The following DNAH9 variants were observed in gnomAD, a reference collection of about 807,000 sequenced individuals.
DNAH9 encodes the protein dynein axonemal heavy chain 9.
In DNAH9, 345 loss-of-function variants were observed where a neutral mutation model predicts 471.6. The observed-to-expected ratio is 0.73, with a 90% confidence interval of 0.67 to 0.80. The LOEUF (loss-of-function observed/expected upper bound fraction) is 0.80, where lower values mean the gene tolerates loss of function less well. Among genes scored for constraint, DNAH9 ranks in the 30% least tolerant of loss-of-function variants. The pLI is 0.00. For missense variants in DNAH9, 5,407 were observed against 5,609.2 expected, an observed-to-expected ratio of 0.96 and a Z score of 1.15; for synonymous variants, 2,093 against 2,123.6, an observed-to-expected ratio of 0.99 and a Z score of 0.40.
intron 28 of DNAH9, 34 bp downstream of exon 28, chr17:11,727,956 C>A: frequency 1.5e-6 from 2 of 1,356,754 alleles, no homozygotes; most frequent in South Asian, 1.2e-5. Context: ...GCCTTGTGGT[C>A]TTCATATTGA....
chr17:11,699,204 G>T (rs2074548746), intron 22 of DNAH9, among the ~76,000 whole-genome samples: 1 of 152,044 alleles, frequency 6.6e-6, no homozygotes, highest in South Asian at 2.1e-4. Flanking sequence ...AGCCAAGATT[G>T]CGCCACTGCA....
At chr17:11,751,363 A>G (rs186921842) in intron 32 of DNAH9, among the ~76,000 whole-genome samples, 2 of 152,166 alleles carry the variant, frequency 1.3e-5, no homozygotes, top group East Asian at 3.9e-4. Context: ...TCTAAATAAA[A>G]TATCAGTAAG....
At chr17:11,739,499 C>CT (rs1259601309) in intron 29 of DNAH9, among the ~76,000 whole-genome samples, 4 of 151,990 alleles carry the variant, frequency 2.6e-5, no homozygotes, top group African/African-American at 9.7e-5. Context: ...GCATATAAAT[C>CT]TTTTTTTTCC....
Position 11,647,894 on chromosome 17 carries a change from T to C in DNAH9, c.2097+696T>C, listed in dbSNP as rs373437911. 1.1e-4 allele frequency among the ~76,000 whole-genome samples: 16 copies of C among 152,310 alleles called. No homozygotes were observed. In the East Asian group the frequency reaches 1.2e-3, roughly 11 times the overall value. On this transcript the variant is annotated intron_variant, in intron 12 of 68. Transcript: ENST00000262442. ...ACTAGGCGGGAGTGCCAATGGCATT[T>C]AGTGGATAGATAGCAGGGATACTGC... is the stretch of plus-strand genomic sequence containing the variant.
chr17:11,922,913 A>T (rs1436343089), intron 61 of DNAH9, among the ~76,000 whole-genome samples: 1 of 152,184 alleles, frequency 6.6e-6, no homozygotes, highest in South Asian at 2.1e-4. Context: ...CCCTTCTCTC[A>T]TCAGCACTCC....
intron 41 of DNAH9, among the ~76,000 whole-genome samples, chr17:11,788,234 A>T (rs1050290356): frequency 6.6e-6 from 1 of 152,180 alleles, no homozygotes; most frequent in Non-Finnish European, 1.5e-5. Context: ...TGTCCTCTGA[A>T]TTTCATATAT....
chr17:11,888,927 G>A lies in DNAH9; in HGVS notation c.11112+1962G>A, dbSNP rs370456975. On this transcript the variant is annotated intron_variant, in intron 57 of 68. Transcript: ENST00000262442. ...ACCATTCATCCTAGCTTTCAAAAGT[G>A]TTTTGAGCAGGAATATATTAAAATG... 1.0e-3 allele frequency among the ~76,000 whole-genome samples: 155 copies of A among 152,314 alleles called. 1 individual carries two copies. The highest frequency in any genetic ancestry group is 3.5e-3 in the African/African-American group (144 of 41,570).
chr17:11,793,972 T>A (rs1969151561), intron 42 of DNAH9, among the ~76,000 whole-genome samples: 1 of 151,576 alleles, frequency 6.6e-6, no homozygotes, highest in African/African-American at 2.4e-5. Context: ...ATCCTTGAAA[T>A]GCATCATCCC....
intron 19 of DNAH9, among the ~76,000 whole-genome samples, chr17:11,686,993 T>G (rs2074252831): frequency 6.6e-6 from 1 of 152,178 alleles, no homozygotes; most frequent in African/African-American, 2.4e-5. Flanking sequence ...TCTTTGGAAA[T>G]GAAGAATAAA....
At chr17:11,705,225 C>G (rs762748400) in intron 26 of DNAH9, 40 bp downstream of exon 26, 1 of 1,593,530 alleles carries the variant, frequency 6.3e-7, no homozygotes, top group Non-Finnish European at 8.6e-7. Context: ...TTACTGCTGT[C>G]TGGTTCAGGC....
intron 26 of DNAH9, among the ~76,000 whole-genome samples, chr17:11,707,236 C>T (rs2074719134): frequency 6.6e-6 from 1 of 152,150 alleles, no homozygotes; most frequent in South Asian, 2.1e-4. Context: ...AGATGAATGA[C>T]TTGTAGGTAA....
chr17:11,889,413 A>G (rs557725582), intron 57 of DNAH9, among the ~76,000 whole-genome samples: 1 of 152,340 alleles, frequency 6.6e-6, no homozygotes, highest in Non-Finnish European at 1.5e-5. Context: ...ATGGCTTCTC[A>G]TGAAGGTTTG....
At position 11,651,249 on chromosome 17, in the gene DNAH9, T is replaced by C. The variant is rs777618821; in HGVS notation, c.2278T>C (p.Leu760=). 5.0e-5 allele frequency: 80 copies of C among 1,613,830 alleles called. No homozygotes were observed. The highest frequency in any genetic ancestry group is 6.0e-5 in the Non-Finnish European group (71 of 1,179,950). Residue 760 remains leucine, a synonymous_variant, in exon 13 of 69, where the codon TTA becomes CTA. Coordinates refer to ENST00000262442, the MANE Select transcript of DNAH9 (RefSeq NM_001372.4). ...MKTLLEVEFP[L]VEEELQNIDL... is the part of the protein sequence containing the mutation. ...AACTCTGCTGGAGGTGGAATTTCCATTAGTGGAGGAAGAGCTGCAAAATAT... is the reference window on the plus strand; with the variant it reads ...AACTCTGCTGGAGGTGGAATTTCCACTAGTGGAGGAAGAGCTGCAAAATAT...
At chr17:11,969,232 A>G in intron 68 of DNAH9, 68 bp from the exon 69 acceptor site, 3 of 1,414,882 alleles carry the variant, frequency 2.1e-6, no homozygotes, top group Non-Finnish European at 2.9e-6. Flanking sequence ...ATCTGCTGAC[A>G]AGAGCAAGGC....
chr17:11,934,149 C>G (rs2046431137), intron 65 of DNAH9, 78 bp downstream of exon 65: 1 of 1,477,444 alleles, frequency 6.8e-7, no homozygotes, highest in Non-Finnish European at 9.2e-7. Flanking sequence ...CCGACCTGCA[C>G]CACCAGGGAA....
intron 67 of DNAH9, among the ~76,000 whole-genome samples, chr17:11,945,302 C>T (rs1975072326): frequency 6.6e-6 from 1 of 151,954 alleles, no homozygotes; most frequent in Admixed American, 6.6e-5. Context: ...TTTGGGAGGC[C>T]GAGGCAGGTG....
At chr17:11,718,479 GA>G (rs1195708459) in intron 26 of DNAH9, among the ~76,000 whole-genome samples, 1 of 152,212 alleles carries the variant, frequency 6.6e-6, no homozygotes, top group Non-Finnish European at 1.5e-5. Flanking sequence ...CCTAGGAGGG[GA>G]GTTGCTGAAT....
Position 11,619,792 on chromosome 17 carries a change from AC to A in DNAH9, c.1350+13del, listed in dbSNP as rs1567669035. The A allele has an allele frequency of 4.0e-6, 6 of 1,508,258 alleles. No homozygotes were observed. Among genetic ancestry groups the A allele is most frequent in the Non-Finnish European group, 4.6e-6 (5 of 1,083,844 alleles). The allele number at this position is 1,508,258 out of a possible 1,614,324, so 93.4% of individuals were successfully genotyped here. ...CTGCACGTGGTGGAGGTGAGTGCGC[AC>A]CTCACCTCAGGCTGCCAGCCCCAGA... On this transcript the variant is annotated intron_variant, in intron 6 of 68. Coordinates refer to ENST00000262442, the MANE Select transcript of DNAH9 (RefSeq NM_001372.4).
chr17:11,827,042 C>G (rs1187579241), intron 48 of DNAH9, among the ~76,000 whole-genome samples: 1 of 152,014 alleles, frequency 6.6e-6, no homozygotes, highest in Non-Finnish European at 1.5e-5. Flanking sequence ...CCAGGATTGT[C>G]TCAATCTCTT....
Sources: gnomAD v4.1 joint callset for allele counts (sites outside exome capture counted in the v4.1 genomes callset) on GRCh38, gnomAD v4.1.1 for gene constraint, MANE v1.5 for transcripts, NCBI Gene and HGNC (gene_info 2026-07-23, HGNC 2026-07-21) for gene names.